The following CNMD variants were observed in gnomAD, a reference collection of about 807,000 sequenced individuals.
CNMD encodes chondromodulin.
In CNMD, 30 loss-of-function variants were observed where a neutral mutation model predicts 37.5. The ratio of observed to expected loss-of-function variants is 0.80; its 90% CI spans 0.60 to 1.09. The LOEUF is 1.09. Ranked by LOEUF, CNMD falls within the 50% of genes least tolerant of loss-of-function variation. The pLI, the probability that CNMD is intolerant of heterozygous loss-of-function variation, is 0.00. For synonymous variants in CNMD, 167 were observed against 148.2 expected (o/e 1.13, Z -0.92); for missense variants, 398 against 423.9 (o/e 0.94, Z 0.54).
intron 4 of CNMD, among the ~76,000 whole-genome samples, chr13:52,717,386 A>C (rs997019022): frequency 6.6e-6 from 1 of 152,228 alleles, no homozygotes; most frequent in African/African-American, 2.4e-5. Context: ...TATGTTGAAT[A>C]GGAGTGGCAA....
chr13:52,713,618 C>T (rs1313600632), intron 4 of CNMD, among the ~76,000 whole-genome samples: 1 of 152,220 alleles, frequency 6.6e-6, no homozygotes, highest in African/African-American at 2.4e-5. Context: ...CTCCCTCAGG[C>T]TTATGGCTGC....
chr13:52,706,749 GTC>G (rs1555277942), intron 6 of CNMD, among the ~76,000 whole-genome samples: 26 of 148,614 alleles, frequency 1.7e-4, no homozygotes, highest in African/African-American at 4.7e-4. Flanking sequence ...ATGTGTGTGT[GTC>G]TGTGGGTGTG....
At chr13:52,724,169 A>G in intron 3 of CNMD, 59 bp from the exon 4 acceptor site, 2 of 1,275,634 alleles carry the variant, frequency 1.6e-6, no homozygotes, top group Non-Finnish European at 2.3e-6. Context: ...CGATTTATTG[A>G]GTGTCTACTG....
Position 52,712,726 on chromosome 13 carries a change from G to A in CNMD, c.612C>T (p.Thr204=). Residue 204 remains threonine (T), a synonymous_variant, in exon 5 of 7, where the codon ACC becomes ACT. Transcript: ENST00000377962. ...GDLPIFWLKP[T]YPKEIQRERR... ...AATTTAAAATGTTACCTTTTGGATA[G>A]GTTGGTTTAAGCCAGAAAATAGGAA... The A allele has an allele frequency of 2.0e-6, 3 of 1,518,342 alleles. No homozygotes were observed. Among genetic ancestry groups the A allele is most frequent in the Non-Finnish European group, 1.8e-6 (2 of 1,133,500 alleles). 94.1% of individuals were successfully genotyped at this position (1,518,342 alleles called of 1,614,324 possible).
chr13:52,704,544 A>G (rs1964143653), intron 6 of CNMD, among the ~76,000 whole-genome samples: 1 of 151,882 alleles, frequency 6.6e-6, no homozygotes, highest in Non-Finnish European at 1.5e-5. Flanking sequence ...AGGAACTCCC[A>G]TCCCTCCAAC....
At chr13:52,736,017 G>T (rs1225102572) in intron 2 of CNMD, among the ~76,000 whole-genome samples, 5 of 145,832 alleles carry the variant, frequency 3.4e-5, no homozygotes, top group African/African-American at 1.3e-4. Context: ...TTTTTGAGAC[G>T]GAGTCTTGCT....
intron 3 of CNMD, among the ~76,000 whole-genome samples, chr13:52,725,170 T>A (rs185670994): frequency 1.3e-5 from 2 of 152,222 alleles, no homozygotes; most frequent in African/African-American, 4.8e-5. Flanking sequence ...CCATAAGTCC[T>A]CCTGTCTTCA....
At chr13:52,724,613 A>G (rs1214413695) in intron 3 of CNMD, among the ~76,000 whole-genome samples, 2 of 151,650 alleles carry the variant, frequency 1.3e-5, no homozygotes, top group African/African-American at 2.4e-5. Context: ...CAAAAAACAA[A>G]CAAAAACAGC....
intron 3 of CNMD, among the ~76,000 whole-genome samples, chr13:52,732,171 C>G (rs1964683429): frequency 6.6e-6 from 1 of 152,180 alleles, no homozygotes; most frequent in Admixed American, 6.5e-5. Context: ...TCTCATCAAT[C>G]AGAGGAAGAT....
chr13:52,731,840 C>T (rs1294426105), intron 3 of CNMD, among the ~76,000 whole-genome samples: 2 of 151,952 alleles, frequency 1.3e-5, no homozygotes, highest in Non-Finnish European at 2.9e-5. Context: ...TTGAGTAGTA[C>T]AAAGAAAAAA....
chr13:52,708,448 T>C, intron 6 of CNMD, 88 bp downstream of exon 6: 1 of 1,230,602 alleles, frequency 8.1e-7, no homozygotes, highest in Non-Finnish European at 1.1e-6. Context: ...CCCAAAGTGC[T>C]AGGATTACAG....
chr13:52,714,836 T>C (rs1964343503), intron 4 of CNMD, among the ~76,000 whole-genome samples: 1 of 152,116 alleles, frequency 6.6e-6, no homozygotes, highest in Non-Finnish European at 1.5e-5. Flanking sequence ...GATTATGCAA[T>C]TGTAGGTAAT....
chr13:52,720,867 G>C (rs1000281330), intron 4 of CNMD, among the ~76,000 whole-genome samples: 1 of 152,226 alleles, frequency 6.6e-6, no homozygotes, highest in Non-Finnish European at 1.5e-5. Context: ...AGAGCTGGCA[G>C]GCAGGGACGT....
intron 4 of CNMD, among the ~76,000 whole-genome samples, chr13:52,719,781 G>C (rs1964449971): frequency 6.6e-6 from 1 of 151,944 alleles, no homozygotes; most frequent in African/African-American, 2.4e-5. Context: ...TTTCAATCTT[G>C]GTGAATCTGA....
Position 52,739,757 on chromosome 13 carries a change from T to C in CNMD, c.-56A>G, listed in dbSNP as rs1386114735. The C allele has an allele frequency of 7.5e-6, 11 of 1,476,114 alleles. No individual in the cohort carries two copies. The highest frequency in any genetic ancestry group is 9.5e-6 in the Non-Finnish European group (10 of 1,056,816). 91.4% of individuals were successfully genotyped at this position (1,476,114 alleles called of 1,614,324 possible). A position where few individuals can be genotyped will look rare whatever the true frequency, so the allele number is the denominator to read the frequency against. On this transcript the variant is annotated 5_prime_UTR_variant, in exon 1 of 7. Coordinates refer to ENST00000377962, the MANE Select transcript of CNMD (RefSeq NM_007015.3). The surrounding 1 kb of genome is among the most constrained non-coding windows in gnomAD (Gnocchi z 5.4). ...GACTCCCTGGGCACCCTGGGATCTG[T>C]CCCGCTGCCCCGACGTGCAGGGCAT...
At chr13:52,707,419 G>A (rs1399122781) in intron 6 of CNMD, among the ~76,000 whole-genome samples, 1 of 148,824 alleles carries the variant, frequency 6.7e-6, no homozygotes, top group Non-Finnish European at 1.5e-5. Context: ...GACACCTCGT[G>A]TCATCCTCAC....
At chr13:52,717,116 T>A (rs1208526060) in intron 4 of CNMD, among the ~76,000 whole-genome samples, 1 of 152,212 alleles carries the variant, frequency 6.6e-6, no homozygotes, top group Non-Finnish European at 1.5e-5. Flanking sequence ...CAACTGTGAA[T>A]GAGAGTTCCC....
intron 3 of CNMD, among the ~76,000 whole-genome samples, chr13:52,729,049 G>C (rs1004900654): frequency 1.3e-5 from 2 of 152,194 alleles, no homozygotes; most frequent in Non-Finnish European, 2.9e-5. Flanking sequence ...GATGAGTGGA[G>C]AGTCCAAGAA....
intron 3 of CNMD, among the ~76,000 whole-genome samples, chr13:52,727,668 T>C (rs964755669): frequency 3.3e-5 from 5 of 151,730 alleles, no homozygotes; most frequent in Non-Finnish European, 7.4e-5. Context: ...GAACCAGAGG[T>C]CATTATGTTA....
Sources: gnomAD v4.1 joint callset for allele counts (sites outside exome capture counted in the v4.1 genomes callset) on GRCh38, gnomAD v4.1.1 for gene constraint, Gnocchi (gnomAD v3.1) non-coding constraint, MANE v1.5 for transcripts, NCBI Gene and HGNC (gene_info 2026-07-23, HGNC 2026-07-21) for gene names.